GALNT16: variants seen among roughly 807,000 people sequenced by gnomAD.
The protein encoded by GALNT16 is UDP-GalNAc:polypeptide N-acetylgalactosaminyltransferase-like protein 1.
Under a neutral mutation model 76.1 loss-of-function variants are expected in GALNT16, and 40 were observed. The ratio of observed to expected loss-of-function variants is 0.53; its 90% CI spans 0.41 to 0.68. GALNT16 has a LOEUF of 0.68. GALNT16 is among the 30% of genes least tolerant of loss of function. The pLI, the probability that GALNT16 is intolerant of heterozygous loss-of-function variation, is 0.00. For synonymous variants in GALNT16, 276 were observed against 285.2 expected, an observed-to-expected ratio of 0.97 and a Z score of 0.32; for missense variants, 621 against 731.9, an observed-to-expected ratio of 0.85 and a Z score of 1.75.
chr14:69,290,795 C>T (rs574700570), intron 1 of GALNT16, among the ~76,000 whole-genome samples: 9 of 152,242 alleles, frequency 5.9e-5, no homozygotes, highest in African/African-American at 2.2e-4. Flanking sequence ...GCTATTTCAG[C>T]CTTAAATGGA....
At chr14:69,366,438 C>G in the GALNT16 span, among the ~76,000 whole-genome samples, 1 of 152,248 alleles carries the variant, frequency 6.6e-6, no homozygotes, top group East Asian at 1.9e-4. Flanking sequence ...TCCTTCTCAT[C>G]TTTCAGGTCT....
downstream of GALNT16, chr14:69,358,412 A>C (rs527784672): frequency 2.0e-5 from 3 of 152,584 alleles, no homozygotes; most frequent in East Asian, 5.8e-4. Context: ...CCCCTCGCCC[A>C]GGATGACTCT....
At chr14:69,380,526 CTT>C in the GALNT16 span, 1 of 1,100,050 alleles carries the variant, frequency 9.1e-7, no homozygotes, top group Non-Finnish European at 1.4e-6. Flanking sequence ...CCCCCCAGTG[CTT>C]CCAACACAAT....
rs778129691 is a variant in GALNT16 at position 69,333,040 on chromosome 14, G to A, written c.779-45G>A. ...GTGGAGTGAAGGGTCTCAGCAGCCC[G>A]CAGCTCTGCCCTGAGCTCTGTCCTC... is the stretch of plus-strand genomic sequence containing the variant. On this transcript the variant is annotated intron_variant, in intron 7 of 14. Transcript: ENST00000448469. The surrounding 1 kb of genome is among the most constrained non-coding windows in gnomAD (Gnocchi z 4.2). 34 of 1,384,526 alleles carry A rather than the reference G, an allele frequency of 2.5e-5. 1 individual carries two copies. The East Asian group carries it at 5.7e-4, about 23-fold the overall frequency. 85.8% of individuals were successfully genotyped at this position (1,384,526 alleles called of 1,614,324 possible).
chr14:69,330,599 C>T (rs551275976), intron 6 of GALNT16, among the ~76,000 whole-genome samples: 2 of 152,294 alleles, frequency 1.3e-5, no homozygotes, highest in South Asian at 4.1e-4. Context: ...GTTGATCAGC[C>T]CCATCCCGGG....
chr14:69,283,769 A>G (rs2044574703), intron 1 of GALNT16, among the ~76,000 whole-genome samples: 2 of 152,222 alleles, frequency 1.3e-5, no homozygotes, highest in South Asian at 4.1e-4. Context: ...CCCAACACTT[A>G]GTAAGTGCTG....
At chr14:69,268,408 A>G (rs2044366186) in intron 1 of GALNT16, among the ~76,000 whole-genome samples, 1 of 152,194 alleles carries the variant, frequency 6.6e-6, no homozygotes, top group Admixed American at 6.5e-5. Context: ...AGTAGATTGG[A>G]TGAAGCAAGA....
intron 1 of GALNT16, among the ~76,000 whole-genome samples, chr14:69,299,220 C>T (rs1380104774): frequency 6.6e-6 from 1 of 152,208 alleles, no homozygotes; most frequent in Non-Finnish European, 1.5e-5. Flanking sequence ...TGCTGTTTCT[C>T]TCCTTTCATT....
At chr14:69,304,476 C>T (rs2044902776) in intron 1 of GALNT16, among the ~76,000 whole-genome samples, 2 of 152,126 alleles carry the variant, frequency 1.3e-5, no homozygotes, top group African/African-American at 4.8e-5. Flanking sequence ...TAACATGAGA[C>T]CTACCTTCTT....
the GALNT16 span, among the ~76,000 whole-genome samples, chr14:69,374,596 A>G: frequency 6.6e-6 from 1 of 152,240 alleles, no homozygotes; most frequent in Non-Finnish European, 1.5e-5. Context: ...AATCTGCTCA[A>G]GATACTCAGG....
chr14:69,326,698 G>A (rs975378577), intron 5 of GALNT16, among the ~76,000 whole-genome samples: 1 of 152,238 alleles, frequency 6.6e-6, no homozygotes, highest in South Asian at 2.1e-4. Context: ...TCAGTCAGGG[G>A]TATGGGCATG....
chr14:69,310,755 TA>T (rs752896535), intron 1 of GALNT16, among the ~76,000 whole-genome samples: 1 of 151,738 alleles, frequency 6.6e-6, no homozygotes, highest in Non-Finnish European at 1.5e-5. Flanking sequence ...TTTTTCTGTC[TA>T]AAAAAAATTA....
intron 1 of GALNT16, among the ~76,000 whole-genome samples, chr14:69,317,670 C>T (rs771901200): frequency 2.6e-5 from 4 of 152,138 alleles, no homozygotes; most frequent in Non-Finnish European, 2.9e-5. Flanking sequence ...GCATCAAAGA[C>T]GATTTTGTGA....
chr14:69,282,061 C>T (rs747748664), intron 1 of GALNT16, among the ~76,000 whole-genome samples: 14 of 152,236 alleles, frequency 9.2e-5, no homozygotes, highest in South Asian at 2.1e-4. Flanking sequence ...TCAGCCTTGA[C>T]GAAGACGATG....
chr14:69,367,675 AAAAG>A, the GALNT16 span, among the ~76,000 whole-genome samples: 52 of 151,796 alleles, frequency 3.4e-4, no homozygotes, highest in African/African-American at 1.2e-3. Context: ...AGAAAAAAGA[AAAAG>A]AATTCCATAC....
At chr14:69,289,548 T>G (rs2044662187) in intron 1 of GALNT16, among the ~76,000 whole-genome samples, 1 of 152,040 alleles carries the variant, frequency 6.6e-6, no homozygotes, top group East Asian at 1.9e-4. Flanking sequence ...TGGGAAGAAG[T>G]GGGCAGTCTC....
chr14:69,379,793 C>G, the GALNT16 span, among the ~76,000 whole-genome samples: 2 of 152,156 alleles, frequency 1.3e-5, no homozygotes, highest in Non-Finnish European at 2.9e-5. Context: ...GGCACAAAGA[C>G]CTCCTAGAAA....
At chr14:69,274,885 T>C (rs1303980281) in intron 1 of GALNT16, among the ~76,000 whole-genome samples, 3 of 152,234 alleles carry the variant, frequency 2.0e-5, no homozygotes, top group Admixed American at 2.0e-4. Context: ...AGAACCTGAC[T>C]CAGAGATGGC....
intron 1 of GALNT16, among the ~76,000 whole-genome samples, chr14:69,267,697 G>A (rs117525075): frequency 3.9e-5 from 6 of 152,308 alleles, no homozygotes; most frequent in Non-Finnish European, 5.9e-5. Context: ...GAGAGAGGAT[G>A]TGAATGAAGT....
Sources: allele counts gnomAD v4.1 joint callset (sites outside exome capture counted in the v4.1 genomes callset), GRCh38; gene constraint gnomAD v4.1.1; non-coding constraint Gnocchi (gnomAD v3.1); transcripts MANE v1.5; gene names NCBI Gene and HGNC (gene_info 2026-07-23, HGNC 2026-07-21).